The following SLC14A2 variants were observed in gnomAD, a reference collection of about 807,000 sequenced individuals.
The protein encoded by SLC14A2 is urea transporter 2.
In SLC14A2, 91 loss-of-function variants were observed where a neutral mutation model predicts 104.6. The ratio of observed to expected loss-of-function variants is 0.87; its 90% CI spans 0.73 to 1.04. The LOEUF is 1.04. Ranked by LOEUF, SLC14A2 falls within the 50% of genes least tolerant of loss-of-function variation. The probability of loss-of-function intolerance (pLI) is 0.00; values close to 1 mark genes in which losing one functional copy is unlikely to be tolerated. For synonymous variants in SLC14A2, 476 were observed against 466.4 expected, an observed-to-expected ratio of 1.02 and a Z score of -0.27; for missense variants, 1,189 against 1,156.0, an observed-to-expected ratio of 1.03 and a Z score of -0.41.
chr18:45,358,851 T>C (rs9967540), intron 1 of SLC14A2, among the ~76,000 whole-genome samples: 51,207 of 151,864 alleles, frequency 0.34, 8,935 homozygotes, highest in African/African-American at 0.4. Flanking sequence ...GTGCTGGGAT[T>C]ACAGGCATGA....
chr18:45,562,217 A>G (rs1340484873), intron 2 of SLC14A2, among the ~76,000 whole-genome samples: 1 of 152,248 alleles, frequency 6.6e-6, no homozygotes, highest in Non-Finnish European at 1.5e-5. Flanking sequence ...CTTACAGTCT[A>G]GCAGAACAGA....
chr18:45,410,969 T>C (rs2144490201), intron 1 of SLC14A2, among the ~76,000 whole-genome samples: 1 of 152,360 alleles, frequency 6.6e-6, no homozygotes, highest in African/African-American at 2.4e-5. Context: ...TTCTTTCAGA[T>C]GGACCCTAGG....
chr18:45,191,502 A>G, the SLC14A2 span, among the ~76,000 whole-genome samples: 1 of 152,198 alleles, frequency 6.6e-6, no homozygotes, highest in Non-Finnish European at 1.5e-5. Context: ...ATTATGGAAC[A>G]ATTTCTAAGT....
intron 2 of SLC14A2, among the ~76,000 whole-genome samples, chr18:45,539,731 A>G (rs1438424983): frequency 1.3e-5 from 2 of 152,108 alleles, no homozygotes; most frequent in African/African-American, 2.4e-5. Context: ...ATTACATGTG[A>G]CGAAACCTTG....
At chr18:45,668,604 T>C in intron 15 of SLC14A2, 127 bp downstream of exon 15, 2 of 1,043,246 alleles carry the variant, frequency 1.9e-6, no homozygotes, top group South Asian at 1.5e-5. Context: ...ATCAGAAATG[T>C]CCACTGGACT....
At chr18:45,404,878 G>T (rs2086136524) in intron 1 of SLC14A2, among the ~76,000 whole-genome samples, 1 of 152,192 alleles carries the variant, frequency 6.6e-6, no homozygotes. Flanking sequence ...CAGAGGCCCA[G>T]TATATAAAAC....
intron 1 of SLC14A2, among the ~76,000 whole-genome samples, chr18:45,284,926 T>C (rs903085633): frequency 1.3e-5 from 2 of 152,148 alleles, no homozygotes; most frequent in Non-Finnish European, 2.9e-5. Context: ...GTGATTTGCA[T>C]GGCCTGTTCA....
At chr18:45,182,668 AT>A in the SLC14A2 span, among the ~76,000 whole-genome samples, 1 of 152,238 alleles carries the variant, frequency 6.6e-6, no homozygotes, top group Middle Eastern at 3.4e-3. Context: ...CTTTTAAAAA[AT>A]AAATACAAAA....
intron 1 of SLC14A2, among the ~76,000 whole-genome samples, chr18:45,254,318 G>A (rs1193191324): frequency 3.3e-5 from 5 of 152,242 alleles, no homozygotes; most frequent in Non-Finnish European, 7.3e-5. Flanking sequence ...GAGAGACACA[G>A]GAACCTAGAG....
chr18:45,429,135 C>T (rs955601208), intron 1 of SLC14A2, among the ~76,000 whole-genome samples: 3 of 152,278 alleles, frequency 2.0e-5, no homozygotes, highest in Middle Eastern at 6.8e-3. Context: ...AAGACATTGA[C>T]GCCAGAGTTC....
At chr18:45,290,416 C>G (rs2084858003) in intron 1 of SLC14A2, among the ~76,000 whole-genome samples, 1 of 152,180 alleles carries the variant, frequency 6.6e-6, no homozygotes, top group Non-Finnish European at 1.5e-5. Flanking sequence ...AAGGTCTTTT[C>G]AGAGGCATTT....
chr18:45,604,598 C>T (rs546530204), intron 2 of SLC14A2, among the ~76,000 whole-genome samples: 4 of 152,306 alleles, frequency 2.6e-5, no homozygotes, highest in African/African-American at 9.6e-5. Context: ...ACAGTCAGAA[C>T]CAAGCATGTG....
At chr18:45,538,241 G>T (rs990066845) in intron 2 of SLC14A2, among the ~76,000 whole-genome samples, 1 of 152,206 alleles carries the variant, frequency 6.6e-6, no homozygotes, top group Non-Finnish European at 1.5e-5. Flanking sequence ...GATCCCAGAA[G>T]ATGCAGGAGA....
intron 1 of SLC14A2, among the ~76,000 whole-genome samples, chr18:45,396,668 T>C (rs1284036205): frequency 1.3e-5 from 2 of 151,966 alleles, no homozygotes; most frequent in Non-Finnish European, 2.9e-5. Context: ...TTCCCTCTTT[T>C]TTTTTAACTT....
chr18:45,580,240 A>G (rs186862460), intron 2 of SLC14A2, among the ~76,000 whole-genome samples: 1 of 152,338 alleles, frequency 6.6e-6, no homozygotes, highest in Non-Finnish European at 1.5e-5. Context: ...ACTTATCTAC[A>G]TTTTGCATTT....
intron 1 of SLC14A2, among the ~76,000 whole-genome samples, chr18:45,392,146 C>T (rs1171175037): frequency 6.6e-6 from 1 of 152,218 alleles, no homozygotes; most frequent in African/African-American, 2.4e-5. Context: ...CACCCCTGTG[C>T]TGCATTACCT....
intron 1 of SLC14A2, among the ~76,000 whole-genome samples, chr18:45,252,530 A>T (rs1449350703): frequency 2.6e-5 from 4 of 152,224 alleles, no homozygotes; most frequent in Non-Finnish European, 5.9e-5. Context: ...ATTTGTCCTA[A>T]CAAGCAGGCA....
chr18:45,290,051 C>G (rs1265752472), intron 1 of SLC14A2, among the ~76,000 whole-genome samples: 1 of 152,208 alleles, frequency 6.6e-6, no homozygotes, highest in East Asian at 1.9e-4. Flanking sequence ...TTCCCTCTCT[C>G]ATTGGCCTTT....
chr18:45,173,314 A>G, the SLC14A2 span, among the ~76,000 whole-genome samples: 5 of 152,134 alleles, frequency 3.3e-5, no homozygotes, highest in Non-Finnish European at 7.4e-5. Context: ...AATGACAATA[A>G]CAACATGAAT....
Sources: allele counts gnomAD v4.1 joint callset (sites outside exome capture counted in the v4.1 genomes callset), GRCh38; gene constraint gnomAD v4.1.1; transcripts MANE v1.5; gene names NCBI Gene and HGNC (gene_info 2026-07-23, HGNC 2026-07-21).